Variants in LINGO1 observed in about 807,000 individuals in gnomAD.
LINGO1 encodes the protein leucine-rich repeat and immunoglobulin-like domain-containing nogo receptor-interacting protein 1.
A neutral mutation model predicts 37.3 loss-of-function variants in LINGO1; 11 were observed. The ratio of observed to expected loss-of-function variants is 0.29; its 90% CI spans 0.19 to 0.49. LINGO1 has a LOEUF of 0.49. Ranked by LOEUF, LINGO1 falls within the 20% of genes least tolerant of loss-of-function variation. LINGO1 has a pLI of 0.99. For missense variants in LINGO1, 585 were observed against 878.2 expected, an observed-to-expected ratio of 0.67 and a Z score of 4.22; for synonymous variants, 387 against 403.0, an observed-to-expected ratio of 0.96 and a Z score of 0.48.
intron 1 of LINGO1, among the ~76,000 whole-genome samples, chr15:77,778,325 C>A (rs746684038): frequency 3.9e-5 from 6 of 152,258 alleles, no homozygotes; most frequent in Non-Finnish European, 7.3e-5. Context: ...GCTCAAGATA[C>A]TTAACCACCA....
chr15:77,805,865 C>T (rs558163884), intron 1 of LINGO1, among the ~76,000 whole-genome samples: 2 of 152,274 alleles, frequency 1.3e-5, no homozygotes, highest in Admixed American at 1.3e-4. Context: ...TCACAGGAGG[C>T]CTTGAATATC....
At chr15:77,799,487 A>G (rs891524918) in intron 1 of LINGO1, among the ~76,000 whole-genome samples, 1 of 152,164 alleles carries the variant, frequency 6.6e-6, no homozygotes, top group African/African-American at 2.4e-5. Flanking sequence ...ATTTCTCATT[A>G]GCACCCCAGG....
At chr15:77,649,987 GC>G in intron 3 of LINGO1, among the ~76,000 whole-genome samples, 1 of 152,346 alleles carries the variant, frequency 6.6e-6, no homozygotes, top group African/African-American at 2.4e-5. Flanking sequence ...AATGGCCAAT[GC>G]CCCCCAAATC....
At position 77,621,903 on chromosome 15, in the gene LINGO1, A is replaced by AC. The variant is rs139057997; in HGVS notation, c.7-6004dup. Among the ~76,000 whole-genome samples, 125 of 151,646 alleles carry AC rather than the reference A, an allele frequency of 8.2e-4. No homozygotes were observed. In the East Asian group the frequency reaches 0.02, roughly 24 times the overall value. On this transcript the variant is annotated intron_variant, in intron 1 of 1. Transcript: ENST00000355300. ...TCAGCGTTCCTCGGGGACCAGGGGG[A>AC]CCCCCTGCACACACAGGCATGCGAT...
intron 2 of LINGO1, among the ~76,000 whole-genome samples, chr15:77,725,584 A>C (rs2076094538): frequency 6.6e-6 from 1 of 152,124 alleles, no homozygotes; most frequent in Admixed American, 6.5e-5. Context: ...ATAAATAAAT[A>C]ATCAATGATC....
chr15:77,699,377 C>T (rs2075739609), upstream of LINGO1, among the ~76,000 whole-genome samples: 1 of 152,242 alleles, frequency 6.6e-6, no homozygotes, highest in Non-Finnish European at 1.5e-5. Context: ...ATCATCAGCA[C>T]ACAATAAGCA....
chr15:77,634,672 A>C (rs1249091700), upstream of LINGO1, among the ~76,000 whole-genome samples: 2 of 152,132 alleles, frequency 1.3e-5, no homozygotes, highest in East Asian at 3.9e-4. Flanking sequence ...AGGCCAGCAC[A>C]GGAGTCCCCC....
chr15:77,818,743 G>A (rs1201915334), intron 1 of LINGO1, among the ~76,000 whole-genome samples: 1 of 152,086 alleles, frequency 6.6e-6, no homozygotes, highest in Admixed American at 6.5e-5. Flanking sequence ...GGTCCTGCCT[G>A]ACCCTAGCGG....
chr15:77,810,172 C>G (rs910334594), intron 1 of LINGO1, among the ~76,000 whole-genome samples: 17 of 152,004 alleles, frequency 1.1e-4, no homozygotes, highest in African/African-American at 4.1e-4. Flanking sequence ...GGCCTCCTCC[C>G]TAACCTGCAC....
upstream of LINGO1, among the ~76,000 whole-genome samples, chr15:77,700,214 C>T (rs112136448): frequency 2.0e-5 from 3 of 152,288 alleles, no homozygotes; most frequent in East Asian, 3.9e-4. Flanking sequence ...GCTCCTCCCC[C>T]CAACACACCT....
chr15:77,686,105 G>C (rs1018976119), intron 2 of LINGO1, among the ~76,000 whole-genome samples: 38 of 152,166 alleles, frequency 2.5e-4, no homozygotes, highest in African/African-American at 8.0e-4. Flanking sequence ...CCCGGAATGG[G>C]GAGGGGAAGG....
intron 3 of LINGO1, among the ~76,000 whole-genome samples, chr15:77,659,062 G>C (rs2141162578): frequency 6.6e-6 from 1 of 152,318 alleles, no homozygotes; most frequent in African/African-American, 2.4e-5. Flanking sequence ...AAGGGCAGTG[G>C]CTTGGGTGCC....
At chr15:77,775,570 T>C (rs1024938054) in intron 1 of LINGO1, among the ~76,000 whole-genome samples, 7 of 152,092 alleles carry the variant, frequency 4.6e-5, no homozygotes, top group African/African-American at 1.7e-4. Context: ...GCTCTGGTAG[T>C]GTGGGCCCAC....
At chr15:77,669,467 C>T (rs1003492548) in intron 3 of LINGO1, among the ~76,000 whole-genome samples, 2 of 152,184 alleles carry the variant, frequency 1.3e-5, no homozygotes, top group Non-Finnish European at 2.9e-5. Context: ...CAGGGAAAAC[C>T]GAGAGAGGTA....
chr15:77,674,846 A>G (rs913315382), intron 3 of LINGO1, among the ~76,000 whole-genome samples: 2 of 151,258 alleles, frequency 1.3e-5, no homozygotes, highest in Non-Finnish European at 2.9e-5. Flanking sequence ...CTCCTCCATC[A>G]CAGCTTACAT....
chr15:77,671,742 C>T (rs1039392570), intron 3 of LINGO1, among the ~76,000 whole-genome samples: 15 of 152,246 alleles, frequency 9.9e-5, no homozygotes, highest in Non-Finnish European at 2.1e-4. Flanking sequence ...CTGGGTGAGA[C>T]TTCCAGGGTC....
intron 2 of LINGO1, among the ~76,000 whole-genome samples, chr15:77,703,930 G>A (rs1242268808): frequency 6.6e-6 from 1 of 152,180 alleles, no homozygotes; most frequent in Non-Finnish European, 1.5e-5. Flanking sequence ...CCCATAGGAA[G>A]AGAGCTCTGC....
At chr15:77,627,612 G>A (rs1350235638) in intron 1 of LINGO1, among the ~76,000 whole-genome samples, 1 of 152,200 alleles carries the variant, frequency 6.6e-6, no homozygotes, top group East Asian at 1.9e-4. Context: ...CATGCCAGGT[G>A]CACAGGGGGG....
At chr15:77,794,633 G>C (rs2076857668) in intron 2 of LINGO1, among the ~76,000 whole-genome samples, 1 of 145,496 alleles carries the variant, frequency 6.9e-6, no homozygotes, top group African/African-American at 2.6e-5. Flanking sequence ...TGTCGCCCAG[G>C]CTGGAGTGCA....
Sources: gnomAD v4.1 joint callset for allele counts (sites outside exome capture counted in the v4.1 genomes callset) on GRCh38, gnomAD v4.1.1 for gene constraint, MANE v1.5 for transcripts, NCBI Gene and HGNC (gene_info 2026-07-23, HGNC 2026-07-21) for gene names.